The following PPP1R7 variants were observed in gnomAD, a reference collection of about 807,000 sequenced individuals.
PPP1R7 encodes the protein protein phosphatase 1 regulatory subunit 7, also known as protein phosphatase 1 regulatory subunit 22.
In PPP1R7, 18 loss-of-function variants were observed where a neutral mutation model predicts 45.2. The ratio of observed to expected loss-of-function variants is 0.40; its 90% CI spans 0.28 to 0.59. The LOEUF is 0.59. Among genes scored for constraint, PPP1R7 ranks in the 20% least tolerant of loss-of-function variants. The probability of loss-of-function intolerance (pLI) is 0.46; values close to 1 mark genes in which losing one functional copy is unlikely to be tolerated. For missense variants in PPP1R7, 314 were observed against 455.8 expected (o/e 0.69, Z 2.83); for synonymous variants, 181 against 183.4 (o/e 0.99, Z 0.11).
At chr2:241,152,171 C>G (rs570843005) in intron 1 of PPP1R7, among the ~76,000 whole-genome samples, 2 of 152,184 alleles carry the variant, frequency 1.3e-5, no homozygotes, top group African/African-American at 4.8e-5. Flanking sequence ...GCTCTTGTGC[C>G]TTTTCTAATT....
At chr2:241,149,805 G>A (rs1261000169), upstream of PPP1R7, 2 of 1,532,064 alleles carry the variant, frequency 1.3e-6, no homozygotes, top group East Asian at 2.5e-5. Flanking sequence ...CAGGGTAGAC[G>A]AAGGCTGCAG....
intron 9 of PPP1R7, among the ~76,000 whole-genome samples, chr2:241,181,914 C>T (rs1050404887): frequency 1.3e-5 from 2 of 151,848 alleles, no homozygotes; most frequent in African/African-American, 2.4e-5. Context: ...AGGGTCAGAC[C>T]AACAGGGTTT....
At chr2:241,170,970 T>C (rs2067805411) in intron 9 of PPP1R7, among the ~76,000 whole-genome samples, 1 of 151,892 alleles carries the variant, frequency 6.6e-6, no homozygotes. Flanking sequence ...AATTAGTGCA[T>C]AGGGAGTTGG....
intron 1 of PPP1R7, among the ~76,000 whole-genome samples, chr2:241,152,212 G>A (rs2067338216): frequency 6.6e-6 from 1 of 152,220 alleles, no homozygotes; most frequent in Non-Finnish European, 1.5e-5. Context: ...TGAGGCATAG[G>A]TGCTATACTA....
At chr2:241,162,155 G>A (rs1171765499) in intron 6 of PPP1R7, among the ~76,000 whole-genome samples, 1 of 152,194 alleles carries the variant, frequency 6.6e-6, no homozygotes, top group Non-Finnish European at 1.5e-5. Flanking sequence ...ATTTTACCAA[G>A]TGTCTCACTA....
upstream of PPP1R7, chr2:241,149,868 G>T: frequency 6.9e-7 from 1 of 1,454,682 alleles, no homozygotes; most frequent in Non-Finnish European, 9.0e-7. Flanking sequence ...TGGCGCCCCG[G>T]AGCCAGCCAG....
chr2:241,166,846 A>G (rs2067724122), intron 8 of PPP1R7, among the ~76,000 whole-genome samples: 1 of 152,054 alleles, frequency 6.6e-6, no homozygotes, highest in African/African-American at 2.4e-5. Flanking sequence ...CCTTTAGGCC[A>G]CTGACCTGTC....
chr2:241,160,559 C>T (rs1354936962), intron 6 of PPP1R7, 65 bp downstream of exon 6: 13 of 1,408,508 alleles, frequency 9.2e-6, no homozygotes, highest in Non-Finnish European at 1.2e-5. Context: ...TGTGTGGACT[C>T]AGTGGGTGTA....
rs192115495 is a variant in PPP1R7 at position 241,182,503 on chromosome 2, G to A, written c.907-144G>A. ...TGGCCAGGATGCACCAAGAGGCCAT[G>A]GAAGGTCCCATGAGGTGCCAGGGAA... is the stretch of plus-strand genomic sequence containing the variant. On this transcript the variant is annotated intron_variant, in intron 9 of 9. Transcript: ENST00000234038. The A allele has an allele frequency of 3.1e-4, 306 of 987,836 alleles. No homozygotes were observed. In the African/African-American group the frequency reaches 4.4e-3, roughly 14 times the overall value. The allele number at this position is 987,836 out of a possible 1,614,324, so 61.2% of individuals were successfully genotyped here.
rs543043824 is a variant in PPP1R7 at position 241,158,466 on chromosome 2, A to G, written c.238-18A>G. ...GCCACTTTGCTATAGCTGAGTATAGATTTCTGCTTTGTTTCAGGATGTTGA... is the reference window on the plus strand; with the variant it reads ...GCCACTTTGCTATAGCTGAGTATAGGTTTCTGCTTTGTTTCAGGATGTTGA... On this transcript the variant is annotated intron_variant, in intron 3 of 9. Coordinates refer to ENST00000234038, the MANE Select transcript of PPP1R7 (RefSeq NM_002712.3). 1.9e-6 allele frequency: 3 copies of G among 1,613,398 alleles called. No individual in the cohort carries two copies. Among genetic ancestry groups the G allele is most frequent in the South Asian group, 1.1e-5 (1 of 91,058 alleles).
intron 2 of PPP1R7, 119 bp from the exon 3 acceptor site, chr2:241,157,688 C>T (rs2067489016): frequency 1.1e-6 from 1 of 919,772 alleles, no homozygotes. Context: ...TTGGTTCCTC[C>T]TCGGGGTTTG....
chr2:241,150,671 GACAGCTGACAGC>G, intron 1 of PPP1R7, 124 bp downstream of exon 1: 1 of 1,302,712 alleles, frequency 7.7e-7, no homozygotes, highest in Non-Finnish European at 9.8e-7. Context: ...GCGGCCCCCT[GACAGCTGACAGC>G]CGGACCCGGG....
In PPP1R7 at chr2:241,157,837, C is replaced by A; in HGVS notation, c.212C>A (p.Thr71Asn). The change falls in exon 3 of 10, where the codon ACC (threonine) becomes AAC (asparagine). Residue 71 changes from threonine (T) to asparagine (N), a missense_variant. Thr to Asn is a moderately conservative substitution (Grantham distance 65). Coordinates refer to ENST00000234038, the MANE Select transcript of PPP1R7 (RefSeq NM_002712.3). Reference protein sequence around the residue: ...EEHELPVDMETINLDRDAEDV... With the variant: ...EEHELPVDMENINLDRDAEDV... ...CATGAGCTGCCTGTGGACATGGAAACCATCAACCTGGACAGAGATGCAGAG... is the reference window on the plus strand; with the variant it reads ...CATGAGCTGCCTGTGGACATGGAAAACATCAACCTGGACAGAGATGCAGAG... 1 of 1,614,116 alleles carries A rather than the reference C, an allele frequency of 6.2e-7. No individual in the cohort carries two copies. The highest frequency in any genetic ancestry group is 8.5e-7 in the Non-Finnish European group (1 of 1,179,962).
Position 241,182,770 on chromosome 2 carries a change from A to G in PPP1R7, c.1030A>G (p.Met344Val). ...QKDPQYRRKV[M>V]LALPSVRQID... ...GGACCCCCAGTACCGGCGGAAGGTCATGCTCGCCCTCCCCTCCGTGCGGCA... is the reference window on the plus strand; with the variant it reads ...GGACCCCCAGTACCGGCGGAAGGTCGTGCTCGCCCTCCCCTCCGTGCGGCA... Residue 344 changes from methionine (M) to valine (V), a missense_variant, in exon 10 of 10, where the codon ATG (methionine) becomes GTG (valine). Around this residue, in one of 3 missense-constraint regions of PPP1R7, gnomAD observed 168 missense variants for 285.3 expected, o/e 0.59. Coordinates refer to ENST00000234038, the MANE Select transcript of PPP1R7 (RefSeq NM_002712.3). 1 of 1,614,098 alleles carries G rather than the reference A, an allele frequency of 6.2e-7. No individual in the cohort carries two copies.
chr2:241,166,518 C>A, intron 8 of PPP1R7, 77 bp downstream of exon 8: 2 of 1,254,752 alleles, frequency 1.6e-6, no homozygotes, highest in South Asian at 1.2e-5. Context: ...AGCCAGCACA[C>A]ACTGGCCTCT....
At chr2:241,156,498 C>G (rs2067460391) in intron 2 of PPP1R7, among the ~76,000 whole-genome samples, 1 of 152,108 alleles carries the variant, frequency 6.6e-6, no homozygotes, top group East Asian at 1.9e-4. Flanking sequence ...TAGCGAGACC[C>G]TGATTGTACA....
chr2:241,152,240 A>G (rs1186509044), intron 1 of PPP1R7, among the ~76,000 whole-genome samples: 1 of 152,256 alleles, frequency 6.6e-6, no homozygotes, highest in African/African-American at 2.4e-5. Context: ...TCCACAGACT[A>G]GGAGATTGAG....
At chr2:241,160,230 G>T in intron 5 of PPP1R7, 102 bp from the exon 6 acceptor site, 3 of 817,396 alleles carry the variant, frequency 3.7e-6, no homozygotes, top group Non-Finnish European at 5.5e-6. Flanking sequence ...GGTAGTGACT[G>T]CCGTCCCCTG....
rs564933292 is a variant in PPP1R7 at position 241,167,521 on chromosome 2, T to G, written c.819+1080T>G. On this transcript the variant is annotated intron_variant, in intron 8 of 9. Coordinates refer to ENST00000234038, the MANE Select transcript of PPP1R7 (RefSeq NM_002712.3). ...GGGCTGGGGTTGGGGCCGGGTGGGG[T>G]GCGCAGCAGGGAGCCCTGGTGCCCT... 2.0e-5 allele frequency among the ~76,000 whole-genome samples: 3 copies of G among 152,122 alleles called. No individual in the cohort carries two copies. The South Asian group carries it at 6.2e-4, about 32-fold the overall frequency.
Sources: gnomAD v4.1 joint callset for allele counts (sites outside exome capture counted in the v4.1 genomes callset) on GRCh38, gnomAD v4.1.1 for gene constraint, gnomAD v4.1.1 regional missense constraint, MANE v1.5 for transcripts, NCBI Gene and HGNC (gene_info 2026-07-23, HGNC 2026-07-21) for gene names.